The following ADAMTS17 variants were observed in gnomAD, a reference collection of about 807,000 sequenced individuals.
The protein encoded by ADAMTS17 is ADAM metallopeptidase with thrombospondin type 1 motif 17.
In ADAMTS17, 113 loss-of-function variants were observed where a neutral mutation model predicts 141.5. That is an observed-to-expected ratio of 0.80 (90% CI 0.69 to 0.93). The LOEUF (loss-of-function observed/expected upper bound fraction) is 0.93. ADAMTS17 is among the 40% of genes least tolerant of loss of function. The pLI, the probability that ADAMTS17 is intolerant of heterozygous loss-of-function variation, is 0.00. For missense variants in ADAMTS17, 1,659 were observed against 1,517.9 expected (o/e 1.09, Z -1.54); for synonymous variants, 768 against 630.6 (o/e 1.22, Z -3.27).
chr15:100,297,934 G>A (rs1328533054), intron 3 of ADAMTS17, among the ~76,000 whole-genome samples: 1 of 152,148 alleles, frequency 6.6e-6, no homozygotes, highest in African/African-American at 2.4e-5. Context: ...ACCAGGGAAA[G>A]TGAAGTCCTG....
intron 2 of ADAMTS17, among the ~76,000 whole-genome samples, chr15:100,334,284 C>G (rs1352090640): frequency 6.6e-6 from 1 of 152,212 alleles, no homozygotes; most frequent in Non-Finnish European, 1.5e-5. Flanking sequence ...CAGAGAACGT[C>G]TGTCCTGTGT....
chr15:100,084,687 A>G (rs770777011), intron 15 of ADAMTS17, among the ~76,000 whole-genome samples: 1 of 152,156 alleles, frequency 6.6e-6, no homozygotes, highest in Non-Finnish European at 1.5e-5. Flanking sequence ...CAATTCACCA[A>G]TAGGCGCTGT....
At chr15:100,084,371 C>T (rs1476018937) in intron 15 of ADAMTS17, among the ~76,000 whole-genome samples, 1 of 152,210 alleles carries the variant, frequency 6.6e-6, no homozygotes, top group East Asian at 1.9e-4. Context: ...GAGCCCACCA[C>T]AGCTCAAGGA....
At position 100,072,249 on chromosome 15, in the gene ADAMTS17, A is replaced by G. The variant is rs540453359; in HGVS notation, c.2138-18195T>C. On this transcript the variant is annotated intron_variant, in intron 15 of 21. Coordinates refer to ENST00000268070, the MANE Select transcript of ADAMTS17 (RefSeq NM_139057.4). ...GAACTACAAACCACTGCTCAATGAA[A>G]TAAAAGAGGATACAAACAAATGGAA... Among the ~76,000 whole-genome samples, 1,121 of 148,102 alleles carry G rather than the reference A, an allele frequency of 7.6e-3. 45 individuals carry two copies. Among genetic ancestry groups the G allele is most frequent in the African/African-American group, 0.027 (1,068 of 40,012 alleles).
At chr15:100,192,547 C>A (rs558339611) in intron 8 of ADAMTS17, among the ~76,000 whole-genome samples, 5 of 152,188 alleles carry the variant, frequency 3.3e-5, no homozygotes, top group Non-Finnish European at 7.3e-5. Flanking sequence ...TCAATGCCGG[C>A]CCATCTGATG....
rs541120954 is a variant in ADAMTS17 at position 100,265,576 on chromosome 15, C to G, written c.790-3141G>C. Among the ~76,000 whole-genome samples, 23 of 152,156 alleles carry G rather than the reference C, an allele frequency of 1.5e-4. 1 individual carries two copies. The highest frequency in any genetic ancestry group is 2.9e-4 in the Non-Finnish European group (20 of 68,026). The stretch of plus-strand genomic sequence containing the variant: ...CTGGCTAGGCAATGTAGGGACACAG[C>G]AAGGGAGGGGCAGACAGGTACCAGA... On this transcript the variant is annotated intron_variant, in intron 4 of 21. Transcript: ENST00000268070.
intron 19 of ADAMTS17, among the ~76,000 whole-genome samples, chr15:99,996,173 A>G (rs985263930): frequency 6.6e-6 from 1 of 151,658 alleles, no homozygotes; most frequent in Non-Finnish European, 1.5e-5. Context: ...TCCTGCCTCA[A>G]CCGCCCAAGT....
At chr15:100,090,185 T>C (rs1343397800) in intron 15 of ADAMTS17, among the ~76,000 whole-genome samples, 1 of 152,116 alleles carries the variant, frequency 6.6e-6, no homozygotes, top group African/African-American at 2.4e-5. Flanking sequence ...GTGATTGGAT[T>C]CCAGGCATAT....
At chr15:100,021,136 C>T (rs1371944300) in intron 18 of ADAMTS17, among the ~76,000 whole-genome samples, 1 of 152,112 alleles carries the variant, frequency 6.6e-6, no homozygotes, top group African/African-American at 2.4e-5. Context: ...CATAGGGGAC[C>T]CCTGACTCTC....
At chr15:100,187,721 C>G (rs2040770465) in intron 8 of ADAMTS17, among the ~76,000 whole-genome samples, 1 of 152,198 alleles carries the variant, frequency 6.6e-6, no homozygotes, top group Admixed American at 6.5e-5. Flanking sequence ...ACCAAAAGGG[C>G]AGCCACGGGA....
chr15:99,978,055 A>G (rs928437080), intron 20 of ADAMTS17, among the ~76,000 whole-genome samples: 2 of 152,188 alleles, frequency 1.3e-5, no homozygotes, highest in Non-Finnish European at 2.9e-5. Flanking sequence ...TCTGAATGCC[A>G]CACGTGGTGA....
intron 19 of ADAMTS17, among the ~76,000 whole-genome samples, chr15:99,994,148 ACT>A (rs1199166173): frequency 3.3e-5 from 5 of 152,042 alleles, no homozygotes; most frequent in Admixed American, 1.3e-4. Flanking sequence ...GGAAGACAAA[ACT>A]CACAAACAAG....
chr15:100,151,748 T>A (rs940798321), intron 10 of ADAMTS17, among the ~76,000 whole-genome samples: 1 of 152,034 alleles, frequency 6.6e-6, no homozygotes, highest in South Asian at 2.1e-4. Context: ...CTCCTGGCCT[T>A]CCCCTGTGGC....
At chr15:100,265,633 G>A (rs1403054910) in intron 4 of ADAMTS17, among the ~76,000 whole-genome samples, 2 of 152,182 alleles carry the variant, frequency 1.3e-5, no homozygotes, top group Non-Finnish European at 2.9e-5. Context: ...ACAAGGAGTG[G>A]AGCTGCTCAC....
intron 3 of ADAMTS17, among the ~76,000 whole-genome samples, chr15:100,307,756 T>C (rs1596488873): frequency 6.6e-6 from 1 of 152,146 alleles, no homozygotes; most frequent in South Asian, 2.1e-4. Flanking sequence ...GTGGCTGGCG[T>C]CCTCCACAAG....
At chr15:100,067,788 G>A (rs759914891) in intron 15 of ADAMTS17, among the ~76,000 whole-genome samples, 7 of 152,238 alleles carry the variant, frequency 4.6e-5, no homozygotes, top group African/African-American at 9.6e-5. Flanking sequence ...CAAGATGGCC[G>A]AATAGGAACA....
At chr15:100,063,757 A>G (rs1173547320) in intron 15 of ADAMTS17, 1 of 1,290,034 alleles carries the variant, frequency 7.8e-7, no homozygotes, top group African/African-American at 1.5e-5. Flanking sequence ...GCTTCGATAT[A>G]ACCTGTAGCA....
At chr15:99,976,886 C>T (rs1474172699) in intron 20 of ADAMTS17, among the ~76,000 whole-genome samples, 1 of 152,194 alleles carries the variant, frequency 6.6e-6, no homozygotes, top group Non-Finnish European at 1.5e-5. Context: ...AATATTAACT[C>T]ATGCTAGCTG....
intron 3 of ADAMTS17, among the ~76,000 whole-genome samples, chr15:100,322,117 T>G (rs1299026653): frequency 6.6e-6 from 1 of 151,308 alleles, no homozygotes; most frequent in Non-Finnish European, 1.5e-5. Context: ...AAGATGTGGG[T>G]GGAGTCAACA....
Sources: gnomAD v4.1 joint callset for allele counts (sites outside exome capture counted in the v4.1 genomes callset) on GRCh38, gnomAD v4.1.1 for gene constraint, MANE v1.5 for transcripts, NCBI Gene and HGNC (gene_info 2026-07-23, HGNC 2026-07-21) for gene names.